DNAAF11: variants seen among roughly 807,000 people sequenced by gnomAD.
The protein encoded by DNAAF11 is dynein axonemal assembly factor 11.
A neutral mutation model predicts 60.8 loss-of-function variants in DNAAF11; 45 were observed. The observed-to-expected ratio is 0.74, with a 90% CI of 0.58 to 0.95. The LOEUF (loss-of-function observed/expected upper bound fraction) is 0.95. Ranked by LOEUF, DNAAF11 falls within the 40% of genes least tolerant of loss-of-function variation. The pLI is 0.00. For missense variants in DNAAF11, 546 were observed against 546.2 expected, an observed-to-expected ratio of 1.00 and a Z score of 0.00; for synonymous variants, 191 against 183.5, an observed-to-expected ratio of 1.04 and a Z score of -0.33.
At chr8:132,653,715 T>C (rs965625549) in intron 3 of DNAAF11, among the ~76,000 whole-genome samples, 7 of 152,228 alleles carry the variant, frequency 4.6e-5, no homozygotes, top group Non-Finnish European at 1.0e-4. Flanking sequence ...TAGATTGTTA[T>C]AAATTAAGAT....
chr8:132,638,410 G>GA (rs35181736), intron 3 of DNAAF11, among the ~76,000 whole-genome samples: 1 of 152,036 alleles, frequency 6.6e-6, no homozygotes, highest in East Asian at 1.9e-4. Flanking sequence ...TATCTGGCAT[G>GA]AAAAAAGGAA....
chr8:132,618,018 G>A (rs905793554), intron 7 of DNAAF11, among the ~76,000 whole-genome samples: 54 of 149,716 alleles, frequency 3.6e-4, no homozygotes, highest in Admixed American at 6.0e-4. Context: ...AACAAAGCTG[G>A]AGGCATCACA....
At chr8:132,640,210 T>A (rs1563668260) in intron 3 of DNAAF11, among the ~76,000 whole-genome samples, 1 of 152,186 alleles carries the variant, frequency 6.6e-6, no homozygotes, top group African/African-American at 2.4e-5. Context: ...TACTACTCTC[T>A]CCTTGTTCTC....
chr8:132,642,568 T>C lies in DNAAF11; in HGVS notation c.257-4461A>G, dbSNP rs139665753. Among the ~76,000 whole-genome samples the C allele has an allele frequency of 2.1e-3, 325 of 152,306 alleles. 1 individual carries two copies. The highest frequency in any genetic ancestry group is 7.2e-3 in the African/African-American group (300 of 41,568). ...GGGACATGTCAGAAGCCAGATCAAG[T>C]GTCTGGCTACCTTGACTCCACCACG... On this transcript the variant is annotated intron_variant, in intron 3 of 11. Transcript: ENST00000620350.
chr8:132,657,031 A>G lies in DNAAF11; in HGVS notation c.179-124T>C, dbSNP rs112749936. 1.4e-3 allele frequency: 664 copies of G among 469,192 alleles called. 4 individuals are homozygous for G. The highest frequency in any genetic ancestry group is 0.012 in the African/African-American group (597 of 48,400). The allele number at this position is 469,192 out of a possible 1,614,324, so 29.1% of individuals were successfully genotyped here. On this transcript the variant is annotated intron_variant, in intron 2 of 11. Coordinates refer to ENST00000620350, the MANE Select transcript of DNAAF11 (RefSeq NM_012472.6). ...TTATTATGGTTATCAAAACCATGTC[A>G]CTTTTCCAAATCTATACCTGTACAT...
At chr8:132,646,248 T>A (rs1229410286) in intron 3 of DNAAF11, among the ~76,000 whole-genome samples, 1 of 152,064 alleles carries the variant, frequency 6.6e-6, no homozygotes, top group Admixed American at 6.6e-5. Flanking sequence ...GCTTCATAAG[T>A]GAAGGAGAAA....
At chr8:132,634,403 C>T (rs566502451) in intron 4 of DNAAF11, among the ~76,000 whole-genome samples, 58 of 152,218 alleles carry the variant, frequency 3.8e-4, no homozygotes, top group Middle Eastern at 6.8e-3. Flanking sequence ...TATGGCCATA[C>T]AGTCACAGGT....
chr8:132,619,068 A>G (rs987494255), intron 7 of DNAAF11, among the ~76,000 whole-genome samples: 4 of 152,168 alleles, frequency 2.6e-5, no homozygotes, highest in Non-Finnish European at 4.4e-5. Flanking sequence ...ACAATGATAG[A>G]CTGGATTAAG....
At chr8:132,663,324 T>A (rs1824312759) in intron 1 of DNAAF11, among the ~76,000 whole-genome samples, 1 of 152,202 alleles carries the variant, frequency 6.6e-6, no homozygotes, top group African/African-American at 2.4e-5. Flanking sequence ...TTAAAACTAC[T>A]CTCTATCCTC....
intron 11 of DNAAF11, among the ~76,000 whole-genome samples, chr8:132,579,853 T>G (rs1023377656): frequency 1.1e-4 from 17 of 151,864 alleles, no homozygotes; most frequent in Non-Finnish European, 1.6e-4. Flanking sequence ...AAAAATTAGC[T>G]GGGCGTGGTG....
intron 5 of DNAAF11, 28 bp downstream of exon 5, chr8:132,632,712 C>T: frequency 6.6e-7 from 1 of 1,520,622 alleles, no homozygotes; most frequent in Non-Finnish European, 9.1e-7. Context: ...CAAAAGTTAA[C>T]TAGAAAGTAA....
At chr8:132,660,811 G>A (rs1824060249) in intron 2 of DNAAF11, among the ~76,000 whole-genome samples, 1 of 152,172 alleles carries the variant, frequency 6.6e-6, no homozygotes, top group African/African-American at 2.4e-5. Context: ...GGAGAAACTT[G>A]TGGTTGTTCA....
intron 3 of DNAAF11, 62 bp from the exon 4 acceptor site, chr8:132,638,169 G>C: frequency 7.9e-7 from 1 of 1,258,006 alleles, no homozygotes; most frequent in African/African-American, 1.5e-5. Context: ...GTAACAAAAC[G>C]TGTGTAACAT....
In DNAAF11 at chr8:132,616,015, T is replaced by C. The variant is rs145683628; in HGVS notation, c.915-918A>G. 4.1e-3 allele frequency among the ~76,000 whole-genome samples: 629 copies of C among 152,232 alleles called. 10 individuals are homozygous for C. Among genetic ancestry groups the C allele is most frequent in the African/African-American group, 0.014 (593 of 41,552 alleles). On this transcript the variant is annotated intron_variant, in intron 7 of 11. Coordinates refer to ENST00000620350, the MANE Select transcript of DNAAF11 (RefSeq NM_012472.6). Reference sequence around the variant, plus strand: ...CTTCTTCAGTGTCTCAAATGACCCATGCATTTGTAGAACCTCATCTCAGGA... The same window carrying C: ...CTTCTTCAGTGTCTCAAATGACCCACGCATTTGTAGAACCTCATCTCAGGA...
chr8:132,573,484 T>A (rs186337042), intron 11 of DNAAF11, among the ~76,000 whole-genome samples: 5 of 152,336 alleles, frequency 3.3e-5, no homozygotes, highest in Non-Finnish European at 5.9e-5. Context: ...CATACAATAC[T>A]GGTATCTTTG....
At chr8:132,664,829 TTC>T (rs1345172742) in intron 1 of DNAAF11, among the ~76,000 whole-genome samples, 1 of 152,148 alleles carries the variant, frequency 6.6e-6, no homozygotes, top group Non-Finnish European at 1.5e-5. Flanking sequence ...CTGTCAAATC[TTC>T]TCTTTCGAAG....
chr8:132,621,719 A>T (rs1373712874), intron 7 of DNAAF11, among the ~76,000 whole-genome samples: 1 of 152,102 alleles, frequency 6.6e-6, no homozygotes, highest in Non-Finnish European at 1.5e-5. Context: ...AGTGTGGGTA[A>T]GGGGAAGGAA....
intron 10 of DNAAF11, among the ~76,000 whole-genome samples, chr8:132,593,266 T>C (rs1225835157): frequency 6.7e-6 from 1 of 149,342 alleles, no homozygotes; most frequent in African/African-American, 2.5e-5. Context: ...TAAAAAAAGA[T>C]ATGTGTTTAG....
intron 1 of DNAAF11, among the ~76,000 whole-genome samples, chr8:132,662,425 G>T (rs1824228309): frequency 6.6e-6 from 1 of 152,158 alleles, no homozygotes; most frequent in Non-Finnish European, 1.5e-5. Context: ...AACCAAAAAG[G>T]TAATGACAAG....
Sources: gnomAD v4.1 joint callset for allele counts (sites outside exome capture counted in the v4.1 genomes callset) on GRCh38, gnomAD v4.1.1 for gene constraint, MANE v1.5 for transcripts, NCBI Gene and HGNC (gene_info 2026-07-23, HGNC 2026-07-21) for gene names.